The following KCTD1 variants were observed in gnomAD, a reference collection of about 807,000 sequenced individuals.
KCTD1 encodes potassium channel tetramerization domain containing 1, also known as BTB/POZ domain-containing protein KCTD1.
In KCTD1, 24 loss-of-function variants were observed where a neutral mutation model predicts 66.0. That is an observed-to-expected ratio of 0.36 (90% CI 0.26 to 0.51). The LOEUF (loss-of-function observed/expected upper bound fraction) is 0.51. Ranked by LOEUF, KCTD1 falls within the 20% of genes least tolerant of loss-of-function variation. The pLI, the probability that KCTD1 is intolerant of heterozygous loss-of-function variation, is 0.95. For synonymous variants in KCTD1, 511 were observed against 517.2 expected, an observed-to-expected ratio of 0.99 and a Z score of 0.16; for missense variants, 943 against 1,205.2, an observed-to-expected ratio of 0.78 and a Z score of 3.22.
At chr18:26,527,881 T>A (rs1984248738) in intron 1 of KCTD1, among the ~76,000 whole-genome samples, 1 of 152,168 alleles carries the variant, frequency 6.6e-6, no homozygotes, top group Non-Finnish European at 1.5e-5. Context: ...TCCAGTAATT[T>A]TTTTTCCAGA....
chr18:26,629,370 T>C (rs1054904518), upstream of KCTD1: 3 of 179,738 alleles, frequency 1.7e-5, no homozygotes, highest in African/African-American at 7.2e-5. Flanking sequence ...TAATATTGAT[T>C]GAATGCAATA....
chr18:26,525,264 G>C (rs539538724), intron 1 of KCTD1, among the ~76,000 whole-genome samples: 20 of 152,326 alleles, frequency 1.3e-4, no homozygotes, highest in African/African-American at 4.3e-4. Flanking sequence ...AGGGCCACTA[G>C]TGTCCCCACA....
chr18:26,618,113 A>T (rs986069050), intron 1 of KCTD1, among the ~76,000 whole-genome samples: 1 of 151,866 alleles, frequency 6.6e-6, no homozygotes, highest in Non-Finnish European at 1.5e-5. Flanking sequence ...AAAACAAAAA[A>T]GACTCTGGCA....
At chr18:26,600,619 CCTT>C (rs1249174839) in intron 1 of KCTD1, among the ~76,000 whole-genome samples, 2 of 151,970 alleles carry the variant, frequency 1.3e-5, no homozygotes, top group East Asian at 1.9e-4. Flanking sequence ...CTGAAGAAGC[CCTT>C]CTTCTGATGT....
At chr18:26,532,258 C>T (rs4597406) in intron 1 of KCTD1, among the ~76,000 whole-genome samples, 8,465 of 29,470 alleles carry the variant, frequency 0.29, 995 homozygotes, top group African/African-American at 0.42. Flanking sequence ...CTTTTCTTTC[C>T]TTCTTTTTTT....
At chr18:26,635,663 T>C (rs1987708708) in intron 1 of KCTD1, among the ~76,000 whole-genome samples, 2 of 152,100 alleles carry the variant, frequency 1.3e-5, no homozygotes, top group Non-Finnish European at 2.9e-5. Context: ...CATCAGTCAG[T>C]CCAGTGCAGG....
chr18:26,626,184 A>AT (rs1987497137), intron 1 of KCTD1, among the ~76,000 whole-genome samples: 1 of 151,060 alleles, frequency 6.6e-6, no homozygotes, highest in Non-Finnish European at 1.5e-5. Context: ...AAAACCTTTT[A>AT]TTGTTGGAGC....
At chr18:26,571,057 C>A (rs1214358436) in intron 1 of KCTD1, among the ~76,000 whole-genome samples, 1 of 152,150 alleles carries the variant, frequency 6.6e-6, no homozygotes, top group Non-Finnish European at 1.5e-5. Flanking sequence ...TGGTAAATAG[C>A]CATTACATCT....
chr18:26,549,118 G>A, upstream of KCTD1: 1 of 985,000 alleles, frequency 1.0e-6, no homozygotes, highest in Non-Finnish European at 1.2e-6. Flanking sequence ...GGAGCAGGCA[G>A]GTTAATGAGC....
At chr18:26,505,933 T>G (rs1430584841) in intron 1 of KCTD1, among the ~76,000 whole-genome samples, 4 of 152,136 alleles carry the variant, frequency 2.6e-5, no homozygotes, top group Non-Finnish European at 5.9e-5. Flanking sequence ...TGGAGTGCAG[T>G]GGCATGATCT....
chr18:26,474,566 T>C (rs923158521), intron 3 of KCTD1, among the ~76,000 whole-genome samples: 1 of 152,232 alleles, frequency 6.6e-6, no homozygotes, highest in Non-Finnish European at 1.5e-5. Flanking sequence ...TGAATGTCTT[T>C]GCAAATGTTT....
intron 1 of KCTD1, among the ~76,000 whole-genome samples, chr18:26,507,559 A>G (rs1455527133): frequency 6.6e-6 from 1 of 151,912 alleles, no homozygotes; most frequent in Non-Finnish European, 1.5e-5. Flanking sequence ...TTTCTTTTGT[A>G]GAGATGGGGA....
intron 1 of KCTD1, among the ~76,000 whole-genome samples, chr18:26,584,506 T>A (rs1488407053): frequency 6.6e-6 from 1 of 152,192 alleles, no homozygotes; most frequent in Non-Finnish European, 1.5e-5. Flanking sequence ...AGTGCTAAGT[T>A]AGGGGGTTTC....
upstream of KCTD1, among the ~76,000 whole-genome samples, chr18:26,631,878 C>A: frequency 7.3e-6 from 1 of 136,084 alleles, no homozygotes; most frequent in Non-Finnish European, 1.6e-5. Context: ...GAAACCCCGT[C>A]TCTACTAAAA....
At chr18:26,469,443 T>C (rs1440762646) in intron 3 of KCTD1, among the ~76,000 whole-genome samples, 2 of 152,184 alleles carry the variant, frequency 1.3e-5, no homozygotes, top group Non-Finnish European at 2.9e-5. Context: ...ATGCCTGCTA[T>C]GTAGGTTTAT....
chr18:26,596,316 G>GT (rs1401906204), intron 1 of KCTD1, among the ~76,000 whole-genome samples: 5 of 152,138 alleles, frequency 3.3e-5, no homozygotes, highest in African/African-American at 1.2e-4. Flanking sequence ...AAGGTCATTT[G>GT]AACACACAGT....
chr18:26,503,059 C>T (rs1982848489), intron 1 of KCTD1, among the ~76,000 whole-genome samples: 2 of 152,114 alleles, frequency 1.3e-5, no homozygotes, highest in African/African-American at 4.8e-5. Context: ...GTGACTGGGC[C>T]TTTACGCAAA....
At chr18:26,629,620 G>A (rs1377097514), upstream of KCTD1, among the ~76,000 whole-genome samples, 1 of 152,110 alleles carries the variant, frequency 6.6e-6, no homozygotes, top group Non-Finnish European at 1.5e-5. Context: ...CCTCAAAGAT[G>A]AGGAGAAAAA....
chr18:26,559,042 G>C (rs1400049275), intron 1 of KCTD1, among the ~76,000 whole-genome samples: 1 of 152,194 alleles, frequency 6.6e-6, no homozygotes, highest in East Asian at 1.9e-4. Flanking sequence ...AGCACAGAGA[G>C]ATAAATATCC....
Sources: gnomAD v4.1 joint callset for allele counts (sites outside exome capture counted in the v4.1 genomes callset) on GRCh38, gnomAD v4.1.1 for gene constraint, MANE v1.5 for transcripts, NCBI Gene and HGNC (gene_info 2026-07-23, HGNC 2026-07-21) for gene names.